SGCD: variants seen among roughly 807,000 people sequenced by gnomAD.
SGCD encodes the protein delta-sarcoglycan.
A neutral mutation model predicts 36.6 loss-of-function variants in SGCD; 18 were observed. The observed-to-expected ratio is 0.49, with a 90% CI of 0.34 to 0.73. The LOEUF is 0.73. SGCD is among the 30% of genes least tolerant of loss of function. The probability of loss-of-function intolerance (pLI) is 0.01; values close to 1 mark genes in which losing one functional copy is unlikely to be tolerated. For synonymous variants in SGCD, 133 were observed against 130.6 expected, an observed-to-expected ratio of 1.02 and a Z score of -0.12; for missense variants, 387 against 346.7, an observed-to-expected ratio of 1.12 and a Z score of -0.92.
upstream of SGCD, among the ~76,000 whole-genome samples, chr5:156,321,999 C>T (rs1257654801): frequency 6.6e-6 from 1 of 152,138 alleles, no homozygotes; most frequent in Admixed American, 6.5e-5. Flanking sequence ...TTTGCTGTAA[C>T]TGCTCTGTGG....
chr5:156,365,556 TTTTTG>T (rs1770050823), intron 3 of SGCD, among the ~76,000 whole-genome samples: 1 of 152,194 alleles, frequency 6.6e-6, no homozygotes, highest in Non-Finnish European at 1.5e-5. Context: ...ATGGATGTTG[TTTTTG>T]AGTTCATCTG....
intron 3 of SGCD, among the ~76,000 whole-genome samples, chr5:156,212,530 G>T (rs1450333155): frequency 2.0e-5 from 3 of 152,128 alleles, no homozygotes; most frequent in Non-Finnish European, 2.9e-5. Context: ...GGGAGAAATA[G>T]ATTGCAATAC....
At chr5:155,860,827 A>G in the SGCD span, among the ~76,000 whole-genome samples, 1 of 152,222 alleles carries the variant, frequency 6.6e-6, no homozygotes, top group East Asian at 1.9e-4. Context: ...ATAGCTTTTG[A>G]AGTGGAAAAT....
the SGCD span, among the ~76,000 whole-genome samples, chr5:155,730,301 A>G: frequency 2.0e-5 from 3 of 152,290 alleles, no homozygotes; most frequent in Admixed American, 2.0e-4. Flanking sequence ...AAAATTGCCC[A>G]GTAACTTCTT....
chr5:156,444,832 C>T (rs1384031546), intron 3 of SGCD, among the ~76,000 whole-genome samples: 1 of 152,054 alleles, frequency 6.6e-6, no homozygotes, highest in Admixed American at 6.6e-5. Flanking sequence ...AGAACTCTTT[C>T]ACATCTATAA....
At chr5:155,741,568 A>G in the SGCD span, among the ~76,000 whole-genome samples, 6 of 152,054 alleles carry the variant, frequency 3.9e-5, no homozygotes, top group Non-Finnish European at 8.8e-5. Flanking sequence ...TTTAATGGTA[A>G]TGCTGGTCAG....
chr5:155,735,613 T>G, the SGCD span, among the ~76,000 whole-genome samples: 1 of 152,334 alleles, frequency 6.6e-6, no homozygotes, highest in Admixed American at 6.5e-5. Flanking sequence ...GATTAACACA[T>G]GCTTGGTGAG....
chr5:155,995,986 C>CAAAAAAAAAAAA (rs753195795), intron 1 of SGCD, among the ~76,000 whole-genome samples: 1 of 46,238 alleles, frequency 2.2e-5, no homozygotes. Context: ...CAGACCACAC[C>CAAAAAAAAAAAA]AAAAAAAAAA....
chr5:155,896,562 C>T (rs1208189377), intron 1 of SGCD, among the ~76,000 whole-genome samples: 2 of 151,128 alleles, frequency 1.3e-5, no homozygotes, highest in African/African-American at 4.9e-5. Flanking sequence ...GGGAGGATTG[C>T]TTGAGCATTG....
In SGCD at chr5:156,185,709, A is replaced by G. The variant is rs190734032; in HGVS notation, c.-44+61690A>G. On this transcript the variant is annotated intron_variant, in intron 3 of 9. Coordinates refer to the SGCD transcript ENST00000517913. ...CCAGAAACAGCGTGATTTATTTTTA[A>G]CACTTTTCACAAAAACCCTCCCCTG... Among the ~76,000 whole-genome samples, 112 of 151,148 alleles carry G rather than the reference A, an allele frequency of 7.4e-4. 1 individual carries two copies. The highest frequency in any genetic ancestry group is 1.3e-3 in the Non-Finnish European group (88 of 67,820).
At chr5:156,169,539 G>T (rs1490975191) in intron 3 of SGCD, among the ~76,000 whole-genome samples, 2 of 152,132 alleles carry the variant, frequency 1.3e-5, no homozygotes, top group Non-Finnish European at 2.9e-5. Flanking sequence ...TAATGGTATT[G>T]ATATTCTGGT....
chr5:156,557,516 A>C (rs1013518036), intron 4 of SGCD, among the ~76,000 whole-genome samples: 2 of 152,188 alleles, frequency 1.3e-5, no homozygotes, highest in African/African-American at 4.8e-5. Flanking sequence ...CTGTTAATAT[A>C]AGTAAAGTTT....
chr5:156,229,275 T>TATATATATATATATATATATAC (rs1554085585), intron 3 of SGCD, among the ~76,000 whole-genome samples: 11 of 55,102 alleles, frequency 2.0e-4, no homozygotes, highest in East Asian at 1.3e-3. Context: ...TATATATACA[T>TATATATATATATATATATATAC]ACATATATAT....
At chr5:156,014,719 G>C (rs1398161303) in intron 1 of SGCD, among the ~76,000 whole-genome samples, 1 of 152,068 alleles carries the variant, frequency 6.6e-6, no homozygotes, top group Non-Finnish European at 1.5e-5. Flanking sequence ...TTGTGTACAG[G>C]ATCTTGTCCA....
At chr5:156,702,203 T>C (rs987712774) in intron 7 of SGCD, among the ~76,000 whole-genome samples, 4 of 152,192 alleles carry the variant, frequency 2.6e-5, no homozygotes, top group African/African-American at 9.7e-5. Flanking sequence ...CTTAGTACTT[T>C]AACTATTGTT....
chr5:156,377,685 G>A (rs1247094101), intron 3 of SGCD, among the ~76,000 whole-genome samples: 2 of 152,114 alleles, frequency 1.3e-5, no homozygotes, highest in African/African-American at 4.8e-5. Context: ...CAGCATTCAA[G>A]ATCAGTAAAA....
At chr5:156,400,340 T>A (rs1188001970) in intron 3 of SGCD, among the ~76,000 whole-genome samples, 2 of 152,214 alleles carry the variant, frequency 1.3e-5, no homozygotes, top group Non-Finnish European at 2.9e-5. Flanking sequence ...CAAAAGTGCT[T>A]GACTAAAGGT....
intron 3 of SGCD, among the ~76,000 whole-genome samples, chr5:156,169,072 T>C (rs1224828053): frequency 6.6e-6 from 1 of 152,214 alleles, no homozygotes; most frequent in Non-Finnish European, 1.5e-5. Context: ...CAACAATGTA[T>C]AAAATGCTAA....
At chr5:156,595,096 C>T in intron 6 of SGCD, 45 bp downstream of exon 6, 4 of 1,572,594 alleles carry the variant, frequency 2.5e-6, no homozygotes, top group Middle Eastern at 1.7e-4. Context: ...CTACTGTGTA[C>T]ATTTTAGAGG....
Sources: allele counts gnomAD v4.1 joint callset (sites outside exome capture counted in the v4.1 genomes callset), GRCh38; gene constraint gnomAD v4.1.1; transcripts MANE v1.5; gene names NCBI Gene and HGNC (gene_info 2026-07-23, HGNC 2026-07-21).